The following CLCN3 variants were observed in gnomAD, a reference collection of about 807,000 sequenced individuals.
CLCN3 encodes the protein Cl-/H+ antiporter 3.
A neutral mutation model predicts 83.4 loss-of-function variants in CLCN3; 16 were observed. That is an observed-to-expected ratio of 0.19 (90% confidence interval 0.13 to 0.29). CLCN3 has a LOEUF of 0.29. Ranked by LOEUF, CLCN3 falls within the 10% of genes least tolerant of loss-of-function variation. The probability of loss-of-function intolerance (pLI) is 1.00; values close to 1 mark genes in which losing one functional copy is unlikely to be tolerated. For synonymous variants in CLCN3, 322 were observed against 346.2 expected (o/e 0.93, Z 0.78); for missense variants, 544 against 1,006.0 (o/e 0.54, Z 6.21).
chr4:169,657,613 G>C (rs1730924285), intron 2 of CLCN3, among the ~76,000 whole-genome samples: 1 of 152,132 alleles, frequency 6.6e-6, no homozygotes, highest in Non-Finnish European at 1.5e-5. Flanking sequence ...CTGCCTTCCT[G>C]GTTTGTAGAT....
chr4:169,717,867 G>A (rs1170217136), intron 12 of CLCN3: 4 of 1,604,978 alleles, frequency 2.5e-6, no homozygotes, highest in African/African-American at 1.3e-5. Flanking sequence ...TCGAACCCTT[G>A]GTGATTAGAT....
At chr4:169,699,137 A>G (rs1732682531) in intron 9 of CLCN3, among the ~76,000 whole-genome samples, 1 of 152,216 alleles carries the variant, frequency 6.6e-6, no homozygotes, top group Non-Finnish European at 1.5e-5. Context: ...AGTTATGGAC[A>G]TCTTTGATGA....
intron 2 of CLCN3, among the ~76,000 whole-genome samples, chr4:169,679,484 G>A (rs1030664255): frequency 2.0e-5 from 3 of 152,088 alleles, no homozygotes; most frequent in African/African-American, 4.8e-5. Context: ...CTTCCTAGAC[G>A]GGGTGGCGGC....
At chr4:169,652,128 C>T (rs1183957818) in intron 2 of CLCN3, among the ~76,000 whole-genome samples, 3 of 152,070 alleles carry the variant, frequency 2.0e-5, no homozygotes, top group Admixed American at 6.6e-5. Flanking sequence ...TCTTTGTAGC[C>T]CACTGAGGTT....
rs145266343 is a variant in CLCN3 at position 169,685,645 on chromosome 4, A to G, written c.319-2013A>G. On this transcript the variant is annotated intron_variant, in intron 3 of 12. Transcript: ENST00000513761. ...TTTCCAGATTTTAGGAACGGTGATGATTGAACTCTCTGTACATATATCTTT... is the reference window on the plus strand; with the variant it reads ...TTTCCAGATTTTAGGAACGGTGATGGTTGAACTCTCTGTACATATATCTTT... Among the ~76,000 whole-genome samples, 448 of 152,238 alleles carry G rather than the reference A, an allele frequency of 2.9e-3. 2 individuals are homozygous for G. Among genetic ancestry groups the G allele is most frequent in the African/African-American group, 0.01 (421 of 41,528 alleles).
At chr4:169,637,515 T>C (rs759769408) in intron 2 of CLCN3, among the ~76,000 whole-genome samples, 7 of 152,040 alleles carry the variant, frequency 4.6e-5, no homozygotes, top group South Asian at 2.1e-4. Context: ...GAAAAAAAAT[T>C]AGTTTTGATT....
chr4:169,702,084 T>G (rs1003486964), intron 9 of CLCN3, among the ~76,000 whole-genome samples: 1 of 152,206 alleles, frequency 6.6e-6, no homozygotes, highest in Non-Finnish European at 1.5e-5. Flanking sequence ...ATCGGAAAGC[T>G]GCCGATCGCT....
chr4:169,687,854 T>C, intron 4 of CLCN3, 97 bp downstream of exon 4: 1 of 589,578 alleles, frequency 1.7e-6, no homozygotes, highest in Non-Finnish European at 2.9e-6. Context: ...CCATTGGATT[T>C]TAAAAAGCAT....
At chr4:169,688,964 A>T in intron 4 of CLCN3, 79 bp from the exon 5 acceptor site, 1 of 1,212,288 alleles carries the variant, frequency 8.2e-7, no homozygotes, top group Non-Finnish European at 1.2e-6. Context: ...CCTGCTTTCT[A>T]CTTGCCTTTT....
At position 169,624,012 on chromosome 4, in the gene CLCN3, T is replaced by A. The variant is rs748883621; in HGVS notation, c.-17+2949T>A. 1.8e-4 allele frequency among the ~76,000 whole-genome samples: 27 copies of A among 152,204 alleles called. 1 individual carries two copies. ...GTAATCCTATAAAATCAGTTTAAAA[T>A]TAGGTCAGTATAGCAAGGATTAGAT... On this transcript the variant is annotated intron_variant, in intron 1 of 12. Transcript: ENST00000513761.
intron 2 of CLCN3, among the ~76,000 whole-genome samples, chr4:169,650,301 A>G (rs910467129): frequency 5.3e-5 from 8 of 152,196 alleles, no homozygotes; most frequent in Admixed American, 3.9e-4. Context: ...AAAATTTCCA[A>G]CAGTATAAAG....
chr4:169,668,207 G>A (rs572471323), intron 2 of CLCN3, among the ~76,000 whole-genome samples: 1 of 151,920 alleles, frequency 6.6e-6, no homozygotes, highest in East Asian at 1.9e-4. Flanking sequence ...ATAGAGATGA[G>A]ATCTCACTGT....
chr4:169,711,033 A>G (rs1581281704), intron 11 of CLCN3, among the ~76,000 whole-genome samples: 1 of 152,166 alleles, frequency 6.6e-6, no homozygotes, highest in African/African-American at 2.4e-5. Context: ...CAACTTTTAT[A>G]CTAGAGTTAG....
At chr4:169,710,512 T>A (rs1179652966) in intron 11 of CLCN3, among the ~76,000 whole-genome samples, 2 of 152,174 alleles carry the variant, frequency 1.3e-5, no homozygotes, top group Admixed American at 6.5e-5. Flanking sequence ...ACGATCCACC[T>A]GCCTCAGCCT....
intron 3 of CLCN3, among the ~76,000 whole-genome samples, chr4:169,681,696 C>T (rs1731943592): frequency 6.6e-6 from 1 of 151,956 alleles, no homozygotes; most frequent in African/African-American, 2.4e-5. Context: ...GACACTGAAA[C>T]TGAGGATTTT....
At chr4:169,665,203 T>TTTATTTTGAGGTGGC (rs1731200388) in intron 2 of CLCN3, among the ~76,000 whole-genome samples, 1 of 152,214 alleles carries the variant, frequency 6.6e-6, no homozygotes, top group South Asian at 2.1e-4. Flanking sequence ...TTATCATCTC[T>TTTATTTTGAGGTGGC]AACTAAGGAT....
At chr4:169,695,344 C>A (rs1221485170) in intron 7 of CLCN3, among the ~76,000 whole-genome samples, 5 of 152,184 alleles carry the variant, frequency 3.3e-5, no homozygotes, top group Non-Finnish European at 7.3e-5. Context: ...ATTGCCTCCT[C>A]CTCTTTACAC....
chr4:169,648,690 C>G (rs945482467), intron 2 of CLCN3, among the ~76,000 whole-genome samples: 20 of 152,076 alleles, frequency 1.3e-4, no homozygotes, highest in African/African-American at 4.8e-4. Context: ...TAAACAATCT[C>G]ACAAAAAAAG....
chr4:169,663,326 G>T (rs866333256), intron 2 of CLCN3, among the ~76,000 whole-genome samples: 5,588 of 149,246 alleles, frequency 0.037, 139 homozygotes, highest in South Asian at 0.074. Flanking sequence ...TGTTGTTGTT[G>T]TTGTTGTTGT....
Sources: gnomAD v4.1 joint callset for allele counts (sites outside exome capture counted in the v4.1 genomes callset) on GRCh38, gnomAD v4.1.1 for gene constraint, MANE v1.5 for transcripts, NCBI Gene and HGNC (gene_info 2026-07-23, HGNC 2026-07-21) for gene names.